Variants in BABAM2 observed in about 807,000 individuals in gnomAD.
The protein encoded by BABAM2 is BRISC and BRCA1-A complex member 2.
In BABAM2, 31 loss-of-function variants were observed where a neutral mutation model predicts 54.7. The observed-to-expected ratio is 0.57, with a 90% CI of 0.43 to 0.77. The LOEUF (loss-of-function observed/expected upper bound fraction) is 0.77, where lower values mean the gene tolerates loss of function less well. Among genes scored for constraint, BABAM2 ranks in the 30% least tolerant of loss-of-function variants. The probability of loss-of-function intolerance (pLI) is 0.00; values close to 1 mark genes in which losing one functional copy is unlikely to be tolerated. For missense variants in BABAM2, 364 were observed against 455.8 expected (o/e 0.80, Z 1.83); for synonymous variants, 167 against 162.9 (o/e 1.03, Z -0.19).
intron 6 of BABAM2, among the ~76,000 whole-genome samples, chr2:28,111,386 A>G (rs1010331618): frequency 6.6e-6 from 1 of 152,140 alleles, no homozygotes; most frequent in African/African-American, 2.4e-5. Context: ...AATTCTCTGT[A>G]TATTCTGGAT....
intron 6 of BABAM2, among the ~76,000 whole-genome samples, chr2:28,092,760 C>CTG (rs1386048752): frequency 6.6e-6 from 1 of 151,552 alleles, no homozygotes; most frequent in Admixed American, 6.6e-5. Context: ...CTCTCTCTCT[C>CTG]TCTCTCTCTC....
At chr2:27,984,913 T>C (rs771069379) in intron 3 of BABAM2, among the ~76,000 whole-genome samples, 2 of 152,158 alleles carry the variant, frequency 1.3e-5, no homozygotes, top group Non-Finnish European at 2.9e-5. Context: ...CTTCAAAGCT[T>C]AGCTCCCACT....
At position 27,985,057 on chromosome 2, in the gene BABAM2, ATGTGTGTG is replaced by A. The variant is rs35552031; in HGVS notation, c.206-2902_206-2895del. 5.7e-3 allele frequency among the ~76,000 whole-genome samples: 780 copies of A among 137,504 alleles called. 4 individuals are homozygous for A. The highest frequency in any genetic ancestry group is 0.032 in the Middle Eastern group (9 of 278). 90.2% of individuals were successfully genotyped at this position (137,504 alleles called of 152,430 possible). On this transcript the variant is annotated intron_variant, in intron 3 of 11. Transcript: ENST00000379624. ...TTTTATGGCTTAGTAGTATTCCATG[ATGTGTGTG>A]TGTGTGTGTGTGTGTGTGTGTGTGT... is the stretch of plus-strand genomic sequence containing the variant.
intron 10 of BABAM2, among the ~76,000 whole-genome samples, chr2:28,256,115 A>C (rs1272175153): frequency 6.6e-6 from 1 of 152,242 alleles, no homozygotes; most frequent in Non-Finnish European, 1.5e-5. Context: ...CTGTTATCAA[A>C]TCTTTAAAAA....
At position 28,325,715 on chromosome 2, in the gene BABAM2, C is replaced by G. The variant is rs187810829; in HGVS notation, c.1089-12735C>G. On this transcript the variant is annotated intron_variant, in intron 11 of 11. Transcript: ENST00000379624. The surrounding 1 kb of genome is among the most constrained non-coding windows in gnomAD (Gnocchi z 4.3). ...CATGGCCATCTTGCTGCCCCTCCCC[C>G]ACATCCTCAAACACCCAGCCAGGGG... Among the ~76,000 whole-genome samples, 3 of 152,180 alleles carry G rather than the reference C, an allele frequency of 2.0e-5. No individual in the cohort carries two copies. The highest frequency in any genetic ancestry group is 4.4e-5 in the Non-Finnish European group (3 of 68,032).
At chr2:28,187,172 G>T (rs1320166556) in intron 7 of BABAM2, among the ~76,000 whole-genome samples, 1 of 152,174 alleles carries the variant, frequency 6.6e-6, no homozygotes, top group Non-Finnish European at 1.5e-5. Context: ...ACTATGGTAT[G>T]TGAGTCTTGA....
chr2:28,312,089 G>A (rs565977940), intron 11 of BABAM2, among the ~76,000 whole-genome samples: 1 of 152,316 alleles, frequency 6.6e-6, no homozygotes, highest in African/African-American at 2.4e-5. Context: ...GAGTGATGTG[G>A]AGTCCAGCCA....
intron 2 of BABAM2, among the ~76,000 whole-genome samples, chr2:27,916,588 G>C (rs1272658794): frequency 6.6e-6 from 1 of 152,186 alleles, no homozygotes; most frequent in Non-Finnish European, 1.5e-5. Context: ...CAGGTATGCT[G>C]CTGGACACTG....
chr2:27,975,470 C>A (rs1018144516), intron 3 of BABAM2, among the ~76,000 whole-genome samples: 3 of 152,028 alleles, frequency 2.0e-5, no homozygotes, highest in African/African-American at 7.2e-5. Flanking sequence ...AAAGGCACTT[C>A]AATGGCAAAA....
At chr2:27,950,989 A>G (rs1468890004) in intron 3 of BABAM2, among the ~76,000 whole-genome samples, 1 of 151,970 alleles carries the variant, frequency 6.6e-6, no homozygotes, top group Non-Finnish European at 1.5e-5. Flanking sequence ...ATTTGTAGTG[A>G]TGTTACCTCT....
At chr2:27,928,065 G>A (rs1037850347) in intron 2 of BABAM2, among the ~76,000 whole-genome samples, 6 of 151,996 alleles carry the variant, frequency 3.9e-5, no homozygotes, top group Non-Finnish European at 7.4e-5. Flanking sequence ...AGGCTGGAGT[G>A]CAGTGGCAGG....
intron 11 of BABAM2, among the ~76,000 whole-genome samples, chr2:28,316,811 A>T (rs1689597945): frequency 6.6e-6 from 1 of 152,140 alleles, no homozygotes; most frequent in Non-Finnish European, 1.5e-5. Flanking sequence ...TGCCCTGGCA[A>T]TCCAAGGATC....
At chr2:28,074,026 C>T (rs930487182) in intron 6 of BABAM2, among the ~76,000 whole-genome samples, 1 of 151,942 alleles carries the variant, frequency 6.6e-6, no homozygotes, top group African/African-American at 2.4e-5. Flanking sequence ...CACATATATA[C>T]ACATATATAT....
At chr2:28,158,771 C>A (rs370079792) in intron 7 of BABAM2, among the ~76,000 whole-genome samples, 7 of 152,170 alleles carry the variant, frequency 4.6e-5, no homozygotes, top group African/African-American at 7.2e-5. Flanking sequence ...TTAATTATTG[C>A]GTGATTTACA....
intron 10 of BABAM2, among the ~76,000 whole-genome samples, chr2:28,246,040 C>T (rs746715111): frequency 2.0e-5 from 3 of 152,142 alleles, no homozygotes; most frequent in African/African-American, 7.2e-5. Context: ...TAGAGATGAT[C>T]GAGCGCAGGC....
At chr2:28,180,118 C>T (rs1014078263) in intron 7 of BABAM2, among the ~76,000 whole-genome samples, 5 of 151,790 alleles carry the variant, frequency 3.3e-5, no homozygotes, top group African/African-American at 1.2e-4. Flanking sequence ...AAAAACTATC[C>T]TAAAATTCAT....
intron 10 of BABAM2, among the ~76,000 whole-genome samples, chr2:28,280,081 C>G (rs558382594): frequency 2.0e-5 from 3 of 149,706 alleles, no homozygotes; most frequent in South Asian, 4.2e-4. Context: ...TTTTTTGAGA[C>G]GGAGTCTTGA....
At chr2:28,203,830 G>A (rs759066545) in intron 7 of BABAM2, among the ~76,000 whole-genome samples, 16 of 152,104 alleles carry the variant, frequency 1.1e-4, no homozygotes, top group East Asian at 3.9e-4. Context: ...AATAAGCAGC[G>A]CAGTTGTCTT....
At chr2:28,122,953 T>C (rs554091558) in intron 6 of BABAM2, among the ~76,000 whole-genome samples, 1 of 152,182 alleles carries the variant, frequency 6.6e-6, no homozygotes, top group Non-Finnish European at 1.5e-5. Context: ...AAGCATAGAC[T>C]TAAGGAATTA....
Sources: gnomAD v4.1 joint callset for allele counts (sites outside exome capture counted in the v4.1 genomes callset) on GRCh38, gnomAD v4.1.1 for gene constraint, Gnocchi (gnomAD v3.1) non-coding constraint, MANE v1.5 for transcripts, NCBI Gene and HGNC (gene_info 2026-07-23, HGNC 2026-07-21) for gene names.